JMJD1C: variants seen among roughly 807,000 people sequenced by gnomAD.
JMJD1C encodes the protein jumonji domain-containing protein 1C.
A neutral mutation model predicts 245.3 loss-of-function variants in JMJD1C; 31 were observed. The ratio of observed to expected loss-of-function variants is 0.13; its 90% CI spans 0.09 to 0.17. The LOEUF (loss-of-function observed/expected upper bound fraction) is 0.17. Among genes scored for constraint, JMJD1C ranks in the 10% least tolerant of loss-of-function variants. The pLI, the probability that JMJD1C is intolerant of heterozygous loss-of-function variation, is 1.00. For synonymous variants in JMJD1C, 1,057 were observed against 1,017.4 expected (o/e 1.04, Z -0.74); for missense variants, 2,691 against 3,000.2 (o/e 0.90, Z 2.41).
rs1344118163 is a variant in JMJD1C at position 63,213,631 on chromosome 10, CAAG to C, written c.2533_2535del (p.Leu845del). ...TATGAAGCAGAAGGATGGGCTTGTC[CAAG>C]AAGATGAGGTGACTGGTGCTGTAAC... On this transcript the variant is annotated inframe_deletion, in exon 8 of 26. Transcript: ENST00000399262. 2 of 1,614,116 alleles carry C rather than the reference CAAG, an allele frequency of 1.2e-6. No homozygotes were observed. Among genetic ancestry groups the C allele is most frequent in the Admixed American group, 1.7e-5 (1 of 60,022 alleles).
At chr10:63,339,427 C>G (rs927204135) in intron 2 of JMJD1C, among the ~76,000 whole-genome samples, 1 of 151,974 alleles carries the variant, frequency 6.6e-6, no homozygotes, top group African/African-American at 2.4e-5. Flanking sequence ...GAGGAATGAA[C>G]AAAACACATT....
chr10:63,427,502 T>C, intron 1 of JMJD1C: 1 of 1,315,218 alleles, frequency 7.6e-7, no homozygotes. Context: ...GCCAAGCAAC[T>C]GTTTCCTGCC....
chr10:63,382,863 C>T (rs955336626), intron 1 of JMJD1C: 1 of 455,882 alleles, frequency 2.2e-6, no homozygotes, highest in Non-Finnish European at 4.4e-6. Flanking sequence ...AGCTCAAGTT[C>T]TTCCATGATG....
chr10:63,224,854 GA>G (rs1463283449), intron 3 of JMJD1C, among the ~76,000 whole-genome samples: 1 of 151,954 alleles, frequency 6.6e-6, no homozygotes, highest in Non-Finnish European at 1.5e-5. Flanking sequence ...ACGAGGTCAG[GA>G]GTTCGAGACC....
At chr10:63,222,960 T>C (rs1848783903) in intron 3 of JMJD1C, 3 of 1,475,348 alleles carry the variant, frequency 2.0e-6, no homozygotes, top group Non-Finnish European at 2.8e-6. Context: ...ATATTGGAGA[T>C]AATGTCAGCA....
intron 17 of JMJD1C, among the ~76,000 whole-genome samples, chr10:63,190,155 C>G (rs1365447071): frequency 6.6e-6 from 1 of 151,866 alleles, no homozygotes; most frequent in Non-Finnish European, 1.5e-5. Flanking sequence ...CCCACGTCAG[C>G]CTCCCAAAGT....
intron 1 of JMJD1C, among the ~76,000 whole-genome samples, chr10:63,454,862 C>T (rs1952310192): frequency 6.6e-6 from 1 of 152,214 alleles, no homozygotes; most frequent in African/African-American, 2.4e-5. Context: ...CCTCTACCTC[C>T]ATATGTCCTG....
chr10:63,281,657 A>G (rs1415922604), intron 2 of JMJD1C, among the ~76,000 whole-genome samples: 1 of 150,264 alleles, frequency 6.7e-6, no homozygotes, highest in African/African-American at 2.4e-5. Context: ...TTTTTAGTAG[A>G]CATGGAGTTT....
intron 2 of JMJD1C, among the ~76,000 whole-genome samples, chr10:63,274,990 G>A (rs1856645601): frequency 6.6e-6 from 1 of 152,036 alleles, no homozygotes; most frequent in Admixed American, 6.6e-5. Context: ...AGCCCAGGGA[G>A]TAGGAGACCA....
chr10:63,258,911 C>A (rs887870799), intron 3 of JMJD1C, among the ~76,000 whole-genome samples: 3 of 152,052 alleles, frequency 2.0e-5, no homozygotes, highest in Admixed American at 2.0e-4. Context: ...TGACATGATA[C>A]CACGAAAATG....
At chr10:63,486,126 T>G in intron 1 of JMJD1C, among the ~76,000 whole-genome samples, 1 of 111,878 alleles carries the variant, frequency 8.9e-6, no homozygotes, top group Non-Finnish European at 1.7e-5. Context: ...GTAAAGGGCT[T>G]CAAGCAATTG....
At chr10:63,432,214 G>C (rs1048597555) in intron 1 of JMJD1C, among the ~76,000 whole-genome samples, 2 of 152,094 alleles carry the variant, frequency 1.3e-5, no homozygotes, top group African/African-American at 4.8e-5. Flanking sequence ...CTATACATCT[G>C]ATGTATGTAA....
intron 1 of JMJD1C, among the ~76,000 whole-genome samples, chr10:63,436,012 A>G (rs1419034611): frequency 6.6e-6 from 1 of 152,220 alleles, no homozygotes; most frequent in Non-Finnish European, 1.5e-5. Flanking sequence ...AAACCCTGAG[A>G]TATTTTTACC....
intron 1 of JMJD1C, among the ~76,000 whole-genome samples, chr10:63,391,749 T>C (rs9415701): frequency 0.14 from 21,034 of 152,104 alleles, 2,090 homozygotes; most frequent in Admixed American, 0.29. Flanking sequence ...AATGCAATCC[T>C]TATCAAAATA....
intron 1 of JMJD1C, among the ~76,000 whole-genome samples, chr10:63,447,567 C>T (rs1255947908): frequency 2.0e-5 from 3 of 152,138 alleles, no homozygotes; most frequent in African/African-American, 7.2e-5. Flanking sequence ...CTGCTGGGTA[C>T]TCTAACATGA....
Position 63,207,831 on chromosome 10 carries a change from T to C in JMJD1C, c.3838A>G (p.Asn1280Asp), listed in dbSNP as rs1846827119. 6.2e-7 allele frequency: 1 copy of C among 1,614,154 alleles called. No individual in the cohort carries two copies. Among genetic ancestry groups the C allele is most frequent in the East Asian group, 2.2e-5 (1 of 44,884 alleles). The change falls in exon 10 of 26, where the codon AAT (asparagine) becomes GAT (aspartate). Residue 1280 changes from asparagine (N) to aspartate (D), a missense_variant. Asn to Asp is a conservative substitution (Grantham distance 23). This residue lies in a region of JMJD1C where 1,562 missense variants were observed against 1,490.7 expected (regional missense o/e 1.05). Coordinates refer to ENST00000399262, the MANE Select transcript of JMJD1C (RefSeq NM_032776.3). ...QSLTEMWRPN[N>D]NLSKEKTEWH... ...TCAGTTTTCTCTTTGCTGAGGTTATTATTAGGTCTCCACATCTCCGTCAAA... is the reference window on the plus strand; with the variant it reads ...TCAGTTTTCTCTTTGCTGAGGTTATCATTAGGTCTCCACATCTCCGTCAAA...
chr10:63,229,297 T>C (rs550663854), intron 3 of JMJD1C, among the ~76,000 whole-genome samples: 2 of 152,320 alleles, frequency 1.3e-5, no homozygotes, highest in African/African-American at 4.8e-5. Flanking sequence ...CAGACTATCA[T>C]TTAAACTAAA....
chr10:63,291,182 C>G (rs1369453002), intron 2 of JMJD1C, among the ~76,000 whole-genome samples: 1 of 151,678 alleles, frequency 6.6e-6, no homozygotes, highest in Non-Finnish European at 1.5e-5. Context: ...GTGGCACATG[C>G]CTATAATCCC....
chr10:63,208,569 G>T lies in JMJD1C; in HGVS notation c.3100C>A (p.Pro1034Thr). 6.2e-7 allele frequency: 1 copy of T among 1,614,038 alleles called. No individual in the cohort carries two copies. The highest frequency in any genetic ancestry group is 8.5e-7 in the Non-Finnish European group (1 of 1,179,966). Residue 1034 changes from proline to threonine, a missense_variant, in exon 10 of 26, where the codon CCC (proline) becomes ACC (threonine). By Grantham distance (38) the Pro-to-Thr change is conservative. Around this residue, in one of 9 missense-constraint regions of JMJD1C, gnomAD observed 1,562 missense variants for 1,490.7 expected, o/e 1.05. Transcript: ENST00000399262. ...RILQESIDVAPFTTKIKGLEG... is the reference protein window; with the variant it reads ...RILQESIDVATFTTKIKGLEG... ...AGTCCCTTGATTTTAGTTGTAAAGG[G>T]AGCAACATCAATACTTTCTTGAAGA...
Sources: allele counts gnomAD v4.1 joint callset (sites outside exome capture counted in the v4.1 genomes callset), GRCh38; gene constraint gnomAD v4.1.1; regional missense constraint gnomAD v4.1.1; transcripts MANE v1.5; gene names NCBI Gene and HGNC (gene_info 2026-07-23, HGNC 2026-07-21).